Variants in CNTNAP2 observed in about 807,000 individuals in gnomAD.
CNTNAP2 encodes the protein contactin-associated protein-like 2.
A neutral mutation model predicts 155.2 loss-of-function variants in CNTNAP2; 98 were observed. The observed-to-expected ratio is 0.63, with a 90% CI of 0.54 to 0.75. The LOEUF is 0.75. Ranked by LOEUF, CNTNAP2 falls within the 30% of genes least tolerant of loss-of-function variation. The probability of loss-of-function intolerance (pLI) is 0.00; values close to 1 mark genes in which losing one functional copy is unlikely to be tolerated. For missense variants in CNTNAP2, 1,727 were observed against 1,688.1 expected (o/e 1.02, Z -0.40); for synonymous variants, 651 against 631.2 (o/e 1.03, Z -0.47).
At position 148,245,535 on chromosome 7, in the gene CNTNAP2, C is replaced by T. The variant is rs116460390; in HGVS notation, c.3381+15756C>T. ...CTTTCAGCAGCATTTTCTTTCTTCC[C>T]GAGATTGCCAAGGGAACCCAGGCAG... On this transcript the variant is annotated intron_variant, in intron 20 of 23. Transcript: ENST00000361727. Among the ~76,000 whole-genome samples the T allele has an allele frequency of 1.6e-3, 236 of 147,974 alleles. 1 individual carries two copies. The highest frequency in any genetic ancestry group is 5.7e-3 in the African/African-American group (227 of 40,034).
intron 1 of CNTNAP2, among the ~76,000 whole-genome samples, chr7:146,635,960 C>T (rs1799591020): frequency 3.9e-5 from 6 of 152,066 alleles, no homozygotes; most frequent in Admixed American, 3.3e-4. Context: ...TGAATGGAGC[C>T]GCCTAAAGTA....
intron 21 of CNTNAP2, among the ~76,000 whole-genome samples, chr7:148,334,814 TG>T (rs1337126999): frequency 6.6e-6 from 1 of 152,078 alleles, no homozygotes; most frequent in East Asian, 1.9e-4. Context: ...CAGCAATCAT[TG>T]GGGGAGACTT....
intron 3 of CNTNAP2, among the ~76,000 whole-genome samples, chr7:146,871,463 G>A (rs942245964): frequency 6.6e-6 from 1 of 152,042 alleles, no homozygotes; most frequent in Non-Finnish European, 1.5e-5. Flanking sequence ...CCGGGAGATG[G>A]CGGTTGCAGT....
At chr7:147,143,321 C>T (rs911804060) in intron 8 of CNTNAP2, among the ~76,000 whole-genome samples, 1 of 152,182 alleles carries the variant, frequency 6.6e-6, no homozygotes, top group Non-Finnish European at 1.5e-5. Flanking sequence ...AAGATGGTCT[C>T]ACATGTCCTC....
intron 18 of CNTNAP2, among the ~76,000 whole-genome samples, chr7:148,212,612 A>G (rs973995420): frequency 6.6e-6 from 1 of 152,184 alleles, no homozygotes; most frequent in African/African-American, 2.4e-5. Context: ...TTCTAAATCA[A>G]TACTTTTTGA....
chr7:146,791,404 T>G (rs1176893036), intron 2 of CNTNAP2, among the ~76,000 whole-genome samples: 1 of 152,232 alleles, frequency 6.6e-6, no homozygotes, highest in Non-Finnish European at 1.5e-5. Flanking sequence ...TAAACATACA[T>G]GTGCATGTGT....
intron 13 of CNTNAP2, among the ~76,000 whole-genome samples, chr7:147,690,450 C>A (rs572834869): frequency 2.2e-4 from 33 of 152,208 alleles, no homozygotes; most frequent in South Asian, 8.3e-4. Context: ...CATTACCGAC[C>A]AATGACTATA....
At chr7:148,197,153 A>G (rs1562991578) in intron 18 of CNTNAP2, among the ~76,000 whole-genome samples, 1 of 152,230 alleles carries the variant, frequency 6.6e-6, no homozygotes, top group Non-Finnish European at 1.5e-5. Flanking sequence ...CTATAAATTT[A>G]CTTCAAATAG....
At chr7:147,870,850 G>T (rs1487461516) in intron 13 of CNTNAP2, among the ~76,000 whole-genome samples, 1 of 152,040 alleles carries the variant, frequency 6.6e-6, no homozygotes, top group East Asian at 1.9e-4. Context: ...ATGGCGAGGG[G>T]ATACAAATTC....
intron 1 of CNTNAP2, among the ~76,000 whole-genome samples, chr7:146,574,571 C>T (rs1037451368): frequency 1.3e-5 from 2 of 152,026 alleles, no homozygotes; most frequent in Non-Finnish European, 2.9e-5. Context: ...AGTTCTCGTG[C>T]GTGCCTGTAG....
chr7:148,193,998 T>C, intron 18 of CNTNAP2, among the ~76,000 whole-genome samples: 1 of 150,190 alleles, frequency 6.7e-6, no homozygotes. Context: ...TGAAACAGGG[T>C]CTTGCTCTGT....
chr7:148,362,935 CTT>C (rs1441283711), intron 21 of CNTNAP2, among the ~76,000 whole-genome samples: 1 of 152,208 alleles, frequency 6.6e-6, no homozygotes, highest in Non-Finnish European at 1.5e-5. Flanking sequence ...TACAACCACT[CTT>C]TTCATTTTCC....
chr7:147,616,061 T>C (rs1308230294), intron 12 of CNTNAP2, among the ~76,000 whole-genome samples: 1 of 145,274 alleles, frequency 6.9e-6, no homozygotes, highest in Non-Finnish European at 1.5e-5. Flanking sequence ...CCTTGTTTCA[T>C]TTTTTTTTCC....
At chr7:148,363,352 C>T (rs973773698) in intron 21 of CNTNAP2, among the ~76,000 whole-genome samples, 1 of 152,210 alleles carries the variant, frequency 6.6e-6, no homozygotes, top group Non-Finnish European at 1.5e-5. Flanking sequence ...TGTAAGTGTT[C>T]TGAGCACATT....
At chr7:147,568,264 CAG>C (rs1313025618) in intron 12 of CNTNAP2, among the ~76,000 whole-genome samples, 1 of 151,776 alleles carries the variant, frequency 6.6e-6, no homozygotes, top group Non-Finnish European at 1.5e-5. Context: ...ATAATTTAGA[CAG>C]AGGCTTCTTA....
intron 1 of CNTNAP2, among the ~76,000 whole-genome samples, chr7:146,219,663 G>T (rs545433356): frequency 8.2e-4 from 125 of 152,298 alleles, no homozygotes; most frequent in African/African-American, 2.8e-3. Flanking sequence ...AGGTAAATGA[G>T]ATGGGTCTGG....
chr7:147,048,067 A>ATTTTTTTTTTTTT (rs11352009), intron 4 of CNTNAP2, among the ~76,000 whole-genome samples: 2 of 90,374 alleles, frequency 2.2e-5, no homozygotes, highest in Non-Finnish European at 3.9e-5. Flanking sequence ...CGGAGAGACA[A>ATTTTTTTTTTTTT]TTTTTTTTTT....
At chr7:148,274,668 C>T (rs1206007268) in intron 21 of CNTNAP2, among the ~76,000 whole-genome samples, 1 of 152,218 alleles carries the variant, frequency 6.6e-6, no homozygotes, top group Admixed American at 6.5e-5. Flanking sequence ...TCATAAGCTT[C>T]CTGAGGCCTC....
chr7:147,384,777 T>C (rs1266835370), intron 9 of CNTNAP2, among the ~76,000 whole-genome samples: 1 of 152,190 alleles, frequency 6.6e-6, no homozygotes, highest in African/African-American at 2.4e-5. Flanking sequence ...GTTTTTATTT[T>C]GAAACAATTT....
Sources: gnomAD v4.1 joint callset for allele counts (sites outside exome capture counted in the v4.1 genomes callset) on GRCh38, gnomAD v4.1.1 for gene constraint, MANE v1.5 for transcripts, NCBI Gene and HGNC (gene_info 2026-07-23, HGNC 2026-07-21) for gene names.